CFAP99: variants seen among roughly 807,000 people sequenced by gnomAD.
CFAP99 encodes the protein cilia- and flagella-associated protein 99.
In CFAP99, 84 loss-of-function variants were observed where a neutral mutation model predicts 82.7. That is an observed-to-expected ratio of 1.02 (90% CI 0.85 to 1.22). The LOEUF is 1.22. Ranked by LOEUF, CFAP99 falls within the 50% of genes most tolerant of loss-of-function variation. The pLI, the probability that CFAP99 is intolerant of heterozygous loss-of-function variation, is 0.00. For synonymous variants in CFAP99, 456 were observed against 429.5 expected (o/e 1.06, Z -0.76); for missense variants, 1,059 against 983.5 (o/e 1.08, Z -1.03).
Position 2,459,995 on chromosome 4 carries a change from C to T in CFAP99, c.1456-42C>T, listed in dbSNP as rs141167126. The T allele has an allele frequency of 2.4e-4, 369 of 1,523,372 alleles. 5 individuals are homozygous for T. In the East Asian group the frequency reaches 9.0e-3, roughly 37 times the overall value. 94.4% of individuals were successfully genotyped at this position (1,523,372 alleles called of 1,614,324 possible). On this transcript the variant is annotated intron_variant, in intron 13 of 14. Coordinates refer to ENST00000635017, the Ensembl canonical transcript of CFAP99. ...GATCCTGGTGGGAAGCATCGGGGCC[C>T]AGCACAGCTCCCAGCTTGGGGCCTC...
chr4:2,434,217 C>G (rs1007795357), intron 2 of CFAP99, among the ~76,000 whole-genome samples: 2 of 152,186 alleles, frequency 1.3e-5, no homozygotes, highest in Non-Finnish European at 2.9e-5. Flanking sequence ...GCAGCAGGAT[C>G]GAGGTTTCTG....
At chr4:2,445,662 G>A (rs1734147773) in intron 6 of CFAP99, among the ~76,000 whole-genome samples, 1 of 152,166 alleles carries the variant, frequency 6.6e-6, no homozygotes, top group African/African-American at 2.4e-5. Context: ...AGTATGATGT[G>A]TAGATGACAG....
At chr4:2,457,549 TG>T (rs938494869) in intron 11 of CFAP99, among the ~76,000 whole-genome samples, 6 of 152,176 alleles carry the variant, frequency 3.9e-5, no homozygotes, top group South Asian at 2.1e-4. Flanking sequence ...GGCAGGACCG[TG>T]GGTCCAAGGT....
intron 2 of CFAP99, among the ~76,000 whole-genome samples, chr4:2,434,833 C>T (rs1159396431): frequency 6.6e-6 from 1 of 152,256 alleles, no homozygotes; most frequent in Admixed American, 6.5e-5. Context: ...CTCAGGCCTC[C>T]AGCCCCTGCA....
intron 6 of CFAP99, 83 bp downstream of exon 6, chr4:2,445,391 G>A: frequency 2.5e-6 from 3 of 1,197,592 alleles, no homozygotes; most frequent in Non-Finnish European, 3.2e-6. Context: ...TGGGCCTGTG[G>A]GGGACTGGGC....
intron 11 of CFAP99, among the ~76,000 whole-genome samples, chr4:2,456,817 C>T (rs1456079848): frequency 6.6e-6 from 1 of 152,126 alleles, no homozygotes; most frequent in African/African-American, 2.4e-5. Context: ...CCGCGCCCGG[C>T]CAATAACTTG....
At chr4:2,423,235 T>C (rs1733619198) in intron 1 of CFAP99, among the ~76,000 whole-genome samples, 1 of 152,204 alleles carries the variant, frequency 6.6e-6, no homozygotes, top group Non-Finnish European at 1.5e-5. Context: ...TGGATCCACC[T>C]ACCCACCAGG....
Position 2,448,886 on chromosome 4 carries a change from G to A in CFAP99, c.643-784G>A, listed in dbSNP as rs1734229861. Among the ~76,000 whole-genome samples the A allele has an allele frequency of 6.6e-6, 1 of 152,250 alleles. No individual in the cohort carries two copies. The highest frequency in any genetic ancestry group is 6.5e-5 in the Admixed American group (1 of 15,288). On this transcript the variant is annotated intron_variant, in intron 6 of 14. Coordinates refer to ENST00000635017, the Ensembl canonical transcript of CFAP99. This position sits in a 1 kb window ranked among gnomAD's most constrained non-coding sequence, Gnocchi z 5.2. The stretch of plus-strand genomic sequence containing the variant: ...GCAGTGAGAGGCAGTTCCTGGAGAT[G>A]GCTTGAAGCAGGTGGGCAGGAGATG...
At position 2,451,319 on chromosome 4, in the gene CFAP99, T is replaced by C. The variant is rs772101891; in HGVS notation, c.923T>C (p.Leu308Ser). The change falls in exon 10 of 15, where the codon TTG becomes TCG. Residue 308 changes from leucine (L) to serine (S), a missense_variant. Physicochemically the swap from Leu to Ser is moderately radical, Grantham distance 145 (BLOSUM62 -2). Coordinates refer to ENST00000635017, the Ensembl canonical transcript of CFAP99. Reference sequence around the variant, plus strand: ...ACAGCCATCCTGCGAGAAGGGGCCTTGTACCAGCGGCAGGTGGAGCAGGAG... The same window carrying C: ...ACAGCCATCCTGCGAGAAGGGGCCTCGTACCAGCGGCAGGTGGAGCAGGAG... The C allele has an allele frequency of 1.4e-5, 21 of 1,535,792 alleles. No homozygotes were observed. The highest frequency in any genetic ancestry group is 1.1e-4 in the South Asian group (9 of 84,046).
At chr4:2,454,823 T>C (rs1288405207) in intron 11 of CFAP99, among the ~76,000 whole-genome samples, 1 of 152,028 alleles carries the variant, frequency 6.6e-6, no homozygotes, top group Non-Finnish European at 1.5e-5. Flanking sequence ...GGTTTCACCA[T>C]GTTGGCCAGG....
intron 5 of CFAP99, 25 bp downstream of exon 5, chr4:2,443,267 G>A: frequency 1.4e-6 from 2 of 1,426,016 alleles, no homozygotes; most frequent in Non-Finnish European, 1.9e-6. Context: ...GGGCTCTGGG[G>A]GCCCTGAATG....
At chr4:2,444,504 C>T (rs944036226) in intron 5 of CFAP99, among the ~76,000 whole-genome samples, 1 of 152,200 alleles carries the variant, frequency 6.6e-6, no homozygotes, top group Non-Finnish European at 1.5e-5. Context: ...GGAGCCCACA[C>T]AAGAGGATAC....
At chr4:2,461,673 C>A (rs992804446) in intron 14 of CFAP99, among the ~76,000 whole-genome samples, 1 of 152,160 alleles carries the variant, frequency 6.6e-6, no homozygotes, top group African/African-American at 2.4e-5. Context: ...TGCACTTAGG[C>A]CCCAGGCCAC....
intron 2 of CFAP99, chr4:2,428,547 C>CCACTGGGGT (rs1463069294): frequency 6.6e-6 from 1 of 152,010 alleles, no homozygotes; most frequent in Non-Finnish European, 1.5e-5. Flanking sequence ...CCACCCACAG[C>CCACTGGGGT]GCCAGTCTGG....
intron 11 of CFAP99, among the ~76,000 whole-genome samples, chr4:2,454,534 T>C (rs1474080135): frequency 1.3e-5 from 2 of 151,924 alleles, no homozygotes; most frequent in African/African-American, 4.8e-5. Flanking sequence ...GTAAGAACAC[T>C]TACAATCTAC....
intron 9 of CFAP99, 97 bp from the exon 10 acceptor site, chr4:2,451,167 C>A: frequency 6.8e-7 from 1 of 1,464,318 alleles, no homozygotes; most frequent in Non-Finnish European, 9.2e-7. Flanking sequence ...AGCACCTGGG[C>A]AGGGGGCAGG....
At chr4:2,450,922 G>C in intron 8 of CFAP99, 25 bp from the exon 9 acceptor site, 1 of 1,534,610 alleles carries the variant, frequency 6.5e-7, no homozygotes, top group Non-Finnish European at 8.7e-7. Context: ...GTGCCAGGCG[G>C]CCAGCTCTGC....
intron 7 of CFAP99, 48 bp from the exon 8 acceptor site, chr4:2,449,886 C>T (rs769946188): frequency 1.3e-6 from 2 of 1,534,918 alleles, no homozygotes; most frequent in African/African-American, 2.7e-5. Flanking sequence ...GCCTGGAGGA[C>T]ACTGGGCAGA....
intron 11 of CFAP99, among the ~76,000 whole-genome samples, chr4:2,453,884 G>A (rs749451821): frequency 7.0e-4 from 106 of 151,782 alleles, no homozygotes; most frequent in Non-Finnish European, 1.3e-3. Flanking sequence ...TGTGATCTCA[G>A]CTCACTGCAA....
Sources: gnomAD v4.1 joint callset for allele counts (sites outside exome capture counted in the v4.1 genomes callset) on GRCh38, gnomAD v4.1.1 for gene constraint, Gnocchi (gnomAD v3.1) non-coding constraint, MANE v1.5 for transcripts, NCBI Gene and HGNC (gene_info 2026-07-23, HGNC 2026-07-21) for gene names.